Variants in GPC6 observed in about 807,000 individuals in gnomAD.
The protein encoded by GPC6 is glypican 6.
A neutral mutation model predicts 55.2 loss-of-function variants in GPC6; 14 were observed. That is an observed-to-expected ratio of 0.25 (90% CI 0.17 to 0.40). The LOEUF is 0.40. GPC6 is among the 10% of genes least tolerant of loss of function. The pLI is 1.00. For missense variants in GPC6, 641 were observed against 708.5 expected (o/e 0.90, Z 1.08); for synonymous variants, 278 against 259.6 (o/e 1.07, Z -0.68).
intron 2 of GPC6, among the ~76,000 whole-genome samples, chr13:93,596,261 C>T (rs1232373553): frequency 1.3e-5 from 2 of 151,844 alleles, no homozygotes; most frequent in East Asian, 1.9e-4. Flanking sequence ...ATAGAGTGTT[C>T]GTGTGCTGGA....
intron 1 of GPC6, among the ~76,000 whole-genome samples, chr13:93,294,562 C>A (rs971713897): frequency 2.0e-5 from 3 of 152,004 alleles, no homozygotes; most frequent in Non-Finnish European, 4.4e-5. Flanking sequence ...GTTACCATAC[C>A]GTATGCTTGG....
intron 4 of GPC6, among the ~76,000 whole-genome samples, chr13:94,272,463 C>CTTTTTTTTTTTTTTTTTTTT (rs555664508): frequency 1.2e-3 from 99 of 85,732 alleles, no homozygotes; most frequent in Non-Finnish European, 1.8e-3. Flanking sequence ...CTTTTCTTTT[C>CTTTTTTTTTTTTTTTTTTTT]TTTTTTTTTT....
At chr13:93,225,926 T>C (rs917053511), upstream of GPC6, among the ~76,000 whole-genome samples, 23 of 152,328 alleles carry the variant, frequency 1.5e-4, no homozygotes, top group Admixed American at 1.4e-3. Context: ...TAAACTATCT[T>C]AGTAGTTTCA....
chr13:93,482,306 A>G (rs565731359), intron 1 of GPC6, among the ~76,000 whole-genome samples: 16 of 152,106 alleles, frequency 1.1e-4, no homozygotes, highest in Non-Finnish European at 1.9e-4. Flanking sequence ...AAGATTATAC[A>G]TCTCTGAATA....
chr13:93,231,329 ACGT>A (rs1876001109), intron 1 of GPC6, among the ~76,000 whole-genome samples: 1 of 96,834 alleles, frequency 1.0e-5, no homozygotes, highest in African/African-American at 3.8e-5. Flanking sequence ...ATATATATAT[ACGT>A]ATATATATAT....
At chr13:93,378,716 C>G (rs945549134) in intron 1 of GPC6, among the ~76,000 whole-genome samples, 2 of 152,078 alleles carry the variant, frequency 1.3e-5, no homozygotes, top group Non-Finnish European at 2.9e-5. Context: ...TGTAAAGAAG[C>G]CGGGCGCGGT....
At chr13:93,228,941 A>T (rs2138998196) in intron 1 of GPC6, among the ~76,000 whole-genome samples, 1 of 152,196 alleles carries the variant, frequency 6.6e-6, no homozygotes, top group East Asian at 1.9e-4. Flanking sequence ...CATTTAAATA[A>T]ATTTGAGCAT....
At chr13:93,780,951 G>A (rs201893988) in intron 2 of GPC6, among the ~76,000 whole-genome samples, 6 of 151,944 alleles carry the variant, frequency 3.9e-5, no homozygotes, top group Admixed American at 2.0e-4. Flanking sequence ...AAATGTTTAA[G>A]CCCCTATTTC....
At chr13:94,362,314 T>G (rs985491899) in intron 6 of GPC6, among the ~76,000 whole-genome samples, 3 of 152,200 alleles carry the variant, frequency 2.0e-5, no homozygotes. Context: ...AAAATATCTA[T>G]CTTAAAACTT....
rs563987814 is a variant in GPC6, at chr13:93,914,808, A to C, written c.711+84263A>C. On this transcript the variant is annotated intron_variant, in intron 3 of 8. Coordinates refer to ENST00000377047, the MANE Select transcript of GPC6 (RefSeq NM_005708.5). ...AAAAAATTAAGGACTGAGAGAATGT[A>C]TGAGATTAGAGGAGAAATTCTGTAA... is the stretch of plus-strand genomic sequence containing the variant. 1.1e-4 allele frequency among the ~76,000 whole-genome samples: 17 copies of C among 152,346 alleles called. No homozygotes were observed. The South Asian group carries it at 3.5e-3, about 32-fold the overall frequency.
rs181167062 is a variant in GPC6, at chr13:93,988,603, G to A, written c.712-39126G>A. On this transcript the variant is annotated intron_variant, in intron 3 of 8. Transcript: ENST00000377047. ...TTTTAATAGATGGGTTCTCTTTTCT[G>A]TGTTCTCATATGGCGGAAGGGGGAG... 9.6e-4 allele frequency among the ~76,000 whole-genome samples: 146 copies of A among 152,180 alleles called. 2 individuals carry two copies. In the East Asian group the frequency reaches 0.02, roughly 21 times the overall value.
chr13:93,704,011 A>C (rs1183760896), intron 2 of GPC6, among the ~76,000 whole-genome samples: 2 of 152,012 alleles, frequency 1.3e-5, no homozygotes, highest in Admixed American at 1.3e-4. Context: ...CCAAATGCAT[A>C]AGTAGCCAAT....
intron 4 of GPC6, among the ~76,000 whole-genome samples, chr13:94,086,406 G>T (rs1269339226): frequency 6.6e-6 from 1 of 151,896 alleles, no homozygotes; most frequent in East Asian, 1.9e-4. Context: ...TTCCAGGATT[G>T]CACACCCCAG....
chr13:94,001,310 T>C (rs1881789233), intron 3 of GPC6, among the ~76,000 whole-genome samples: 1 of 152,214 alleles, frequency 6.6e-6, no homozygotes, highest in East Asian at 1.9e-4. Flanking sequence ...TTATTATCTT[T>C]AATTCAGTAT....
Position 93,423,898 on chromosome 13 carries a change from T to C in GPC6, c.161-121365T>C, listed in dbSNP as rs150133276. 4.6e-5 allele frequency among the ~76,000 whole-genome samples: 7 copies of C among 152,156 alleles called. No individual in the cohort carries two copies. The East Asian group carries it at 1.2e-3, about 25-fold the overall frequency. On this transcript the variant is annotated intron_variant, in intron 1 of 8. Coordinates refer to ENST00000377047, the MANE Select transcript of GPC6 (RefSeq NM_005708.5). ...AGCTGACAAGCAAAGCACCTGCCAGTATTTAAGGAATGGATGACCTGTGAC... is the reference window on the plus strand; with the variant it reads ...AGCTGACAAGCAAAGCACCTGCCAGCATTTAAGGAATGGATGACCTGTGAC...
intron 6 of GPC6, among the ~76,000 whole-genome samples, chr13:94,323,695 A>G (rs915751114): frequency 6.6e-6 from 1 of 152,250 alleles, no homozygotes; most frequent in Non-Finnish European, 1.5e-5. Context: ...TCACTATGCA[A>G]TGTATTCATG....
intron 1 of GPC6, among the ~76,000 whole-genome samples, chr13:93,462,789 G>A (rs1392067340): frequency 6.6e-6 from 1 of 151,962 alleles, no homozygotes; most frequent in Non-Finnish European, 1.5e-5. Flanking sequence ...AGCCTACTGT[G>A]TATATAAGAT....
chr13:93,710,222 A>C (rs1336688760), intron 2 of GPC6, among the ~76,000 whole-genome samples: 2 of 151,832 alleles, frequency 1.3e-5, no homozygotes, highest in African/African-American at 4.8e-5. Context: ...AAATTATTGT[A>C]ATACTCTTGA....
intron 2 of GPC6, among the ~76,000 whole-genome samples, chr13:93,627,463 C>A (rs979307616): frequency 1.3e-5 from 2 of 152,124 alleles, no homozygotes; most frequent in African/African-American, 4.8e-5. Context: ...CAGTCACCTC[C>A]AATACCAGAG....
Sources: gnomAD v4.1 joint callset for allele counts (sites outside exome capture counted in the v4.1 genomes callset) on GRCh38, gnomAD v4.1.1 for gene constraint, MANE v1.5 for transcripts, NCBI Gene and HGNC (gene_info 2026-07-23, HGNC 2026-07-21) for gene names.